ZFHX3: variants seen among roughly 807,000 people sequenced by gnomAD.
ZFHX3 encodes zinc finger homeobox 3.
In ZFHX3, 42 loss-of-function variants were observed where a neutral mutation model predicts 279.1. The ratio of observed to expected loss-of-function variants is 0.15; its 90% CI spans 0.12 to 0.19. The LOEUF (loss-of-function observed/expected upper bound fraction) is 0.19. Ranked by LOEUF, ZFHX3 falls within the 10% of genes least tolerant of loss-of-function variation. The pLI, the probability that ZFHX3 is intolerant of heterozygous loss-of-function variation, is 1.00. For missense variants in ZFHX3, 4,981 were observed against 4,754.0 expected (o/e 1.05, Z -1.40); for synonymous variants, 2,293 against 1,957.8 (o/e 1.17, Z -4.52).
chr16:72,839,937 TAAC>T (rs1288889186), intron 4 of ZFHX3, among the ~76,000 whole-genome samples: 1 of 152,098 alleles, frequency 6.6e-6, no homozygotes, highest in East Asian at 1.9e-4. Context: ...TGTCTTTCAA[TAAC>T]AACCTGCCGG....
At chr16:73,856,803 T>G (rs906503477) in intron 1 of ZFHX3, among the ~76,000 whole-genome samples, 1 of 152,214 alleles carries the variant, frequency 6.6e-6, no homozygotes, top group Admixed American at 6.5e-5. Context: ...ATGTCTGCAA[T>G]ACAGACTAAA....
chr16:73,030,142 T>C (rs1964643780), intron 1 of ZFHX3, among the ~76,000 whole-genome samples: 1 of 152,106 alleles, frequency 6.6e-6, no homozygotes, highest in Non-Finnish European at 1.5e-5. Flanking sequence ...GCCAGGATAA[T>C]CCCCAAGACC....
chr16:73,081,997 C>G (rs1965952395), intron 8 of ZFHX3, among the ~76,000 whole-genome samples: 1 of 151,910 alleles, frequency 6.6e-6, no homozygotes, highest in Non-Finnish European at 1.5e-5. Flanking sequence ...CCACCACACC[C>G]AGCTAATTTT....
intron 2 of ZFHX3, among the ~76,000 whole-genome samples, chr16:73,643,512 C>T (rs1008153539): frequency 6.6e-6 from 1 of 152,190 alleles, no homozygotes; most frequent in Non-Finnish European, 1.5e-5. Flanking sequence ...TTAAAAAATG[C>T]TATATACATT....
At chr16:72,887,407 A>G in intron 4 of ZFHX3, among the ~76,000 whole-genome samples, 1 of 152,234 alleles carries the variant, frequency 6.6e-6, no homozygotes, top group Non-Finnish European at 1.5e-5. Context: ...TACATGGCTC[A>G]GCTGCGATTA....
In ZFHX3 at chr16:73,219,317, T is replaced by C. The variant is rs566181798; in HGVS notation, c.-1104+37730A>G. ...TCTAACACGCCATGTTATTAACAGA[T>C]TGTACTGTCAATCACCATCAATAAG... On this transcript the variant is annotated intron_variant, in intron 5 of 17. Transcript: ENST00000641206. Among the ~76,000 whole-genome samples the C allele has an allele frequency of 2.4e-4, 37 of 152,304 alleles. 1 individual carries two copies. The South Asian group carries it at 7.0e-3, about 29-fold the overall frequency.
At chr16:73,100,273 G>A (rs1966214465) in intron 7 of ZFHX3, among the ~76,000 whole-genome samples, 1 of 152,156 alleles carries the variant, frequency 6.6e-6, no homozygotes, top group Non-Finnish European at 1.5e-5. Context: ...GGATGACCCT[G>A]ACATACTCTA....
At chr16:73,235,017 C>T (rs1225015493) in intron 5 of ZFHX3, among the ~76,000 whole-genome samples, 1 of 152,248 alleles carries the variant, frequency 6.6e-6, no homozygotes, top group East Asian at 1.9e-4. Flanking sequence ...GAGAATCAGG[C>T]ATATTAGCCC....
At chr16:73,258,338 C>CATATATATATATATATATATATATAT (rs59013847) in intron 4 of ZFHX3, among the ~76,000 whole-genome samples, 12 of 124,954 alleles carry the variant, frequency 9.6e-5, no homozygotes, top group African/African-American at 3.4e-4. Flanking sequence ...TTTGCTATGA[C>CATATATATATATATATATATATATAT]ATATATATAT....
chr16:73,594,596 C>G (rs1467137542), intron 2 of ZFHX3, among the ~76,000 whole-genome samples: 2 of 152,126 alleles, frequency 1.3e-5, no homozygotes, highest in Non-Finnish European at 2.9e-5. Context: ...GCCAATGAAA[C>G]AGAATAGAGT....
At chr16:73,664,147 C>T (rs2052812018) in intron 2 of ZFHX3, among the ~76,000 whole-genome samples, 2 of 152,282 alleles carry the variant, frequency 1.3e-5, no homozygotes, top group South Asian at 4.1e-4. Context: ...AGTCAGTTTT[C>T]CAAACTGAAC....
intron 4 of ZFHX3, among the ~76,000 whole-genome samples, chr16:72,863,770 T>C (rs1460006372): frequency 6.6e-6 from 1 of 152,106 alleles, no homozygotes; most frequent in East Asian, 1.9e-4. Flanking sequence ...GATGGGTTCA[T>C]GGGGTCTGCT....
At chr16:73,246,327 C>G (rs1290726242) in intron 5 of ZFHX3, among the ~76,000 whole-genome samples, 1 of 152,134 alleles carries the variant, frequency 6.6e-6, no homozygotes, top group Non-Finnish European at 1.5e-5. Context: ...GAGAATGAGG[C>G]TTGGCCAATG....
rs946377022 is a variant in ZFHX3 at position 73,623,138 on chromosome 16, A to G, written c.-1547+57042T>C. Reference sequence around the variant, plus strand: ...TGCAAGCTCCGCCTCCCGGGTTCACACCATTCTCCTGCCTCAGCCTCTCGA... The same window carrying G: ...TGCAAGCTCCGCCTCCCGGGTTCACGCCATTCTCCTGCCTCAGCCTCTCGA... On this transcript the variant is annotated intron_variant, in intron 2 of 17. Coordinates refer to the ZFHX3 transcript ENST00000641206. Among the ~76,000 whole-genome samples the G allele has an allele frequency of 6.6e-5, 10 of 151,638 alleles. No homozygotes were observed. The East Asian group carries it at 1.4e-3, about 21-fold the overall frequency.
chr16:73,396,678 G>C (rs1203716372), intron 3 of ZFHX3, among the ~76,000 whole-genome samples: 1 of 152,156 alleles, frequency 6.6e-6, no homozygotes, highest in Non-Finnish European at 1.5e-5. Flanking sequence ...ACCAGATCTT[G>C]TGAGAACTCC....
chr16:73,296,947 C>T (rs1030039710), intron 4 of ZFHX3, among the ~76,000 whole-genome samples: 3 of 136,886 alleles, frequency 2.2e-5, no homozygotes, highest in East Asian at 2.0e-4. Context: ...GGCGCTATCT[C>T]GGCTCACTGC....
chr16:72,925,440 G>A (rs114591237), intron 3 of ZFHX3, among the ~76,000 whole-genome samples: 354 of 152,358 alleles, frequency 2.3e-3, no homozygotes, highest in African/African-American at 7.7e-3. Context: ...TGAATGCCAG[G>A]AAATTTCAGG....
intron 1 of ZFHX3, among the ~76,000 whole-genome samples, chr16:73,000,089 A>T (rs943922947): frequency 2.6e-5 from 4 of 152,152 alleles, no homozygotes; most frequent in Admixed American, 2.0e-4. Context: ...CGAACCTAGA[A>T]ATGCAGAGAG....
rs115468357 is a variant in ZFHX3, at chr16:73,114,909, C to A, written c.-897+16059G>T. 6.4e-3 allele frequency among the ~76,000 whole-genome samples: 970 copies of A among 152,196 alleles called. 17 individuals carry two copies. The highest frequency in any genetic ancestry group is 0.023 in the African/African-American group (939 of 41,544). On this transcript the variant is annotated intron_variant, in intron 7 of 17. Coordinates refer to the ZFHX3 transcript ENST00000641206. ...CTGGGCTCAAGAAATCCTCCCACCT[C>A]AGCCTCCCAAGCTGTAGGGACTACA...
Sources: allele counts gnomAD v4.1 joint callset (sites outside exome capture counted in the v4.1 genomes callset), GRCh38; gene constraint gnomAD v4.1.1; transcripts MANE v1.5; gene names NCBI Gene and HGNC (gene_info 2026-07-23, HGNC 2026-07-21).